IMPA2: variants seen among roughly 807,000 people sequenced by gnomAD.
IMPA2 encodes the protein inositol monophosphatase 2, also known as IMP 2.
Under a neutral mutation model 35.1 loss-of-function variants are expected in IMPA2, and 32 were observed. The ratio of observed to expected loss-of-function variants is 0.91; its 90% CI spans 0.69 to 1.23. IMPA2 has a LOEUF of 1.23. Among genes scored for constraint, IMPA2 ranks in the 50% most tolerant of loss-of-function variants. IMPA2 has a pLI of 0.00. For missense variants in IMPA2, 334 were observed against 387.6 expected, an observed-to-expected ratio of 0.86 and a Z score of 1.16; for synonymous variants, 135 against 160.6, an observed-to-expected ratio of 0.84 and a Z score of 1.20.
intron 2 of IMPA2, among the ~76,000 whole-genome samples, chr18:12,000,850 C>T: frequency 6.6e-6 from 1 of 150,988 alleles, no homozygotes; most frequent in East Asian, 2.0e-4. Context: ...CTCCTGACCT[C>T]ATGATCCGCC....
chr18:11,988,059 G>A (rs1408991564), intron 1 of IMPA2, among the ~76,000 whole-genome samples: 2 of 129,950 alleles, frequency 1.5e-5, no homozygotes, highest in Admixed American at 9.0e-5. Context: ...AGGCTGGAGT[G>A]CAGTGGTGCG....
chr18:12,015,489 G>A (rs554173504), intron 5 of IMPA2, among the ~76,000 whole-genome samples: 6 of 151,360 alleles, frequency 4.0e-5, no homozygotes, highest in East Asian at 3.9e-4. Flanking sequence ...GGAAAGTGGC[G>A]GGCCAGGATG....
intron 2 of IMPA2, among the ~76,000 whole-genome samples, chr18:12,009,164 C>G (rs1439771125): frequency 6.6e-6 from 1 of 152,172 alleles, no homozygotes; most frequent in Non-Finnish European, 1.5e-5. Context: ...GTAGTCCCAG[C>G]TACTTGGGAG....
chr18:11,984,526 T>C (rs1906599972), intron 1 of IMPA2, among the ~76,000 whole-genome samples: 1 of 152,212 alleles, frequency 6.6e-6, no homozygotes, highest in Non-Finnish European at 1.5e-5. Flanking sequence ...CTTAGACAAT[T>C]TAGGGGGCCC....
rs1423981191 is a variant in IMPA2, at chr18:11,999,132, C to T, written c.175C>T (p.His59Tyr). ...SAADLVTETD[H>Y]LVEDLIISEL... The stretch of plus-strand genomic sequence containing the variant: ...TGCAGATCTTGTGACAGAAACAGAT[C>T]ACCTTGTGGAAGATTTAATTATTTC... The change falls in exon 2 of 8, where the codon CAC becomes TAC. Residue 59 changes from histidine (H) to tyrosine (Y), a missense_variant. Coordinates refer to ENST00000269159, the MANE Select transcript of IMPA2 (RefSeq NM_014214.3). 1 of 1,613,746 alleles carries T rather than the reference C, an allele frequency of 6.2e-7. No individual in the cohort carries two copies. The highest frequency in any genetic ancestry group is 1.3e-5 in the African/African-American group (1 of 75,020).
intron 1 of IMPA2, among the ~76,000 whole-genome samples, chr18:11,983,815 A>T (rs1157522252): frequency 1.3e-5 from 2 of 152,070 alleles, no homozygotes; most frequent in Non-Finnish European, 2.9e-5. Flanking sequence ...GGTCATCGGA[A>T]CCTGTGTAAA....
Position 11,981,508 on chromosome 18 carries a change from G to C in IMPA2, c.-162G>C, listed in dbSNP as rs927185507. 9.3e-6 allele frequency: 4 copies of C among 430,818 alleles called. No homozygotes were observed. The highest frequency in any genetic ancestry group is 1.5e-5 in the Non-Finnish European group (4 of 259,204). The allele number at this position is 430,818 out of a possible 1,614,324, so 26.7% of individuals were successfully genotyped here. Reference sequence around the variant, plus strand: ...GCACGGCTCCCGCGGCCCGCTGGCTGCCCTTCCCGCCAGCGCAGGTGTGGG... The same window carrying C: ...GCACGGCTCCCGCGGCCCGCTGGCTCCCCTTCCCGCCAGCGCAGGTGTGGG... On this transcript the variant is annotated 5_prime_UTR_variant, in exon 1 of 8. Transcript: ENST00000269159.
Position 12,022,377 on chromosome 18 carries a change from C to CA in IMPA2, c.491-5658dup, listed in dbSNP as rs527717296. Among the ~76,000 whole-genome samples, 463 of 151,078 alleles carry CA rather than the reference C, an allele frequency of 3.1e-3. 4 individuals are homozygous for CA. Among genetic ancestry groups the CA allele is most frequent in the African/African-American group, 0.011 (433 of 41,228 alleles). On this transcript the variant is annotated intron_variant, in intron 5 of 7. Transcript: ENST00000269159. ...AGAAACCCCGTCTCTATTAAAAATACAAAAAAAATTAGCCGCATGCCTGTA... is the reference window on the plus strand; with the variant it reads ...AGAAACCCCGTCTCTATTAAAAATACAAAAAAAAATTAGCCGCATGCCTGTA...
At position 12,028,750 on chromosome 18, in the gene IMPA2, T is replaced by C. The variant is rs549069546; in HGVS notation, c.600-92T>C. 162 of 1,407,046 alleles carry C rather than the reference T, an allele frequency of 1.2e-4. No homozygotes were observed. The East Asian group carries it at 3.7e-3, about 32-fold the overall frequency. 87.2% of individuals were successfully genotyped at this position (1,407,046 alleles called of 1,614,324 possible). A position where few individuals can be genotyped will look rare whatever the true frequency, so the allele number is the denominator to read the frequency against. On this transcript the variant is annotated intron_variant, in intron 6 of 7. Coordinates refer to ENST00000269159, the MANE Select transcript of IMPA2 (RefSeq NM_014214.3). Reference sequence around the variant, plus strand: ...GTGCTTCATTTTTCACTAGGGAAAATGCCCAGCCGGGGTACCTGGCTGAAG... The same window carrying C: ...GTGCTTCATTTTTCACTAGGGAAAACGCCCAGCCGGGGTACCTGGCTGAAG...
intron 5 of IMPA2, among the ~76,000 whole-genome samples, chr18:12,022,528 A>AAATATAAATATATATATATAT (rs68185380): frequency 1.0e-5 from 1 of 96,822 alleles, no homozygotes; most frequent in Non-Finnish European, 2.0e-5. Context: ...TCTCAAAAAG[A>AAATATAAATATATATATATAT]ATATATATAT....
intron 2 of IMPA2, among the ~76,000 whole-genome samples, chr18:12,001,487 G>A (rs1053599797): frequency 3.9e-5 from 6 of 152,268 alleles, no homozygotes; most frequent in Admixed American, 1.3e-4. Context: ...GGGCTGTGAT[G>A]TGTTTCAGTC....
At chr18:12,026,058 G>T (rs1907874003) in intron 5 of IMPA2, among the ~76,000 whole-genome samples, 3 of 141,454 alleles carry the variant, frequency 2.1e-5, no homozygotes, top group Admixed American at 1.4e-4. Flanking sequence ...TTTTGAGATG[G>T]AGTTTTGCTC....
intron 5 of IMPA2, among the ~76,000 whole-genome samples, chr18:12,022,892 A>G (rs559539882): frequency 4.1e-5 from 6 of 147,014 alleles, no homozygotes; most frequent in African/African-American, 1.0e-4. Context: ...CTTGTGCTTT[A>G]GCCTCTCCAG....
At chr18:11,996,788 C>T (rs1369296065) in intron 1 of IMPA2, among the ~76,000 whole-genome samples, 1 of 152,096 alleles carries the variant, frequency 6.6e-6, no homozygotes, top group African/African-American at 2.4e-5. Context: ...GGGGCTGTGT[C>T]CCCTGGTTAG....
At chr18:12,019,509 C>A (rs1907671761) in intron 5 of IMPA2, among the ~76,000 whole-genome samples, 1 of 150,016 alleles carries the variant, frequency 6.7e-6, no homozygotes, top group South Asian at 2.1e-4. Flanking sequence ...CTGAAGTGAT[C>A]CACCCACCTC....
At chr18:12,024,410 G>C (rs1432295627) in intron 5 of IMPA2, among the ~76,000 whole-genome samples, 2 of 152,138 alleles carry the variant, frequency 1.3e-5, no homozygotes, top group East Asian at 3.9e-4. Flanking sequence ...CGTGAACCTG[G>C]GAGGCAGAGG....
chr18:11,992,133 C>T (rs1400519431), intron 1 of IMPA2, among the ~76,000 whole-genome samples: 1 of 152,260 alleles, frequency 6.6e-6, no homozygotes, highest in Non-Finnish European at 1.5e-5. Flanking sequence ...TGAGCCACCA[C>T]GCCTAGCCCA....
chr18:12,014,685 G>A (rs750731282), intron 5 of IMPA2, among the ~76,000 whole-genome samples: 8 of 152,126 alleles, frequency 5.3e-5, no homozygotes, highest in Non-Finnish European at 8.8e-5. Context: ...CCCGAGGCCA[G>A]GTGCTTGTTC....
chr18:12,000,448 C>T (rs180744932), intron 2 of IMPA2, among the ~76,000 whole-genome samples: 2 of 145,192 alleles, frequency 1.4e-5, no homozygotes, highest in East Asian at 4.3e-4. Flanking sequence ...GTTAGGTTAT[C>T]TCAAGGTTAC....
Sources: allele counts gnomAD v4.1 joint callset (sites outside exome capture counted in the v4.1 genomes callset), GRCh38; gene constraint gnomAD v4.1.1; transcripts MANE v1.5; gene names NCBI Gene and HGNC (gene_info 2026-07-23, HGNC 2026-07-21).